The following C14orf132 variants were observed in gnomAD, a reference collection of about 807,000 sequenced individuals.
C14orf132 encodes the protein chromosome 14 open reading frame 132, also known as uncharacterized protein C14orf132.
Under a neutral mutation model 5.8 loss-of-function variants are expected in C14orf132, and 6 were observed. The ratio of observed to expected loss-of-function variants is 1.03; its 90% CI spans 0.57 to 2.04. The LOEUF is 2.04. C14orf132 is among the 30% of genes most tolerant of loss of function. The probability of loss-of-function intolerance (pLI) is 0.00; values close to 1 mark genes in which losing one functional copy is unlikely to be tolerated. For synonymous variants in C14orf132, 51 were observed against 49.8 expected (o/e 1.02, Z -0.10); for missense variants, 125 against 115.8 (o/e 1.08, Z -0.37).
At chr14:96,062,877 A>G (rs1017813791) in intron 1 of C14orf132, among the ~76,000 whole-genome samples, 2 of 152,114 alleles carry the variant, frequency 1.3e-5, no homozygotes, top group African/African-American at 2.4e-5. Flanking sequence ...TCCAACAAAC[A>G]GGTTACTTAT....
rs539462317 is a variant in C14orf132 at position 96,052,937 on chromosome 14, A to T, written c.27+13410A>T. Among the ~76,000 whole-genome samples the T allele has an allele frequency of 2.0e-5, 3 of 152,050 alleles. No individual in the cohort carries two copies. In the South Asian group the frequency reaches 6.2e-4, roughly 32 times the overall value. On this transcript the variant is annotated intron_variant, in intron 1 of 1. Transcript: ENST00000555004. ...CTTTCAATGGGGCTTGTATTTGGAG[A>T]GGGCTGACCCCTTTAAACCTCTGGA...
At chr14:96,056,508 G>A (rs1322635842) in intron 1 of C14orf132, among the ~76,000 whole-genome samples, 4 of 152,108 alleles carry the variant, frequency 2.6e-5, no homozygotes, top group Admixed American at 6.5e-5. Flanking sequence ...TTTGAATCCC[G>A]AGTTTGAAAC....
At chr14:96,068,194 G>A (rs1163464542) in intron 1 of C14orf132, among the ~76,000 whole-genome samples, 1 of 152,194 alleles carries the variant, frequency 6.6e-6, no homozygotes, top group African/African-American at 2.4e-5. Context: ...GAAAGGCTCG[G>A]TAGCTCCCTG....
intron 1 of C14orf132, among the ~76,000 whole-genome samples, chr14:96,069,256 C>CATATATATATAT (rs55648129): frequency 6.3e-5 from 6 of 95,258 alleles, no homozygotes; most frequent in Admixed American, 2.2e-4. Flanking sequence ...TGTTTATGTT[C>CATATATATATAT]ATATATATAT....
intron 1 of C14orf132, among the ~76,000 whole-genome samples, chr14:96,070,596 T>TCTCACACACACACACACACA (rs755530241): frequency 7.0e-6 from 1 of 142,558 alleles, no homozygotes; most frequent in African/African-American, 2.6e-5. Flanking sequence ...TCTCTCTCTC[T>TCTCACACACACACACACACA]CACACACACA....
At chr14:96,054,316 G>A (rs1057195946) in intron 1 of C14orf132, among the ~76,000 whole-genome samples, 1 of 152,154 alleles carries the variant, frequency 6.6e-6, no homozygotes, top group Non-Finnish European at 1.5e-5. Flanking sequence ...TCACGTCATG[G>A]TCCCCAGCCA....
At chr14:96,040,752 T>TC (rs1051762559) in intron 1 of C14orf132, among the ~76,000 whole-genome samples, 2 of 152,106 alleles carry the variant, frequency 1.3e-5, no homozygotes, top group African/African-American at 4.8e-5. Context: ...CTGGCCCTTT[T>TC]TTTTTTGCCT....
intron 1 of C14orf132, among the ~76,000 whole-genome samples, chr14:96,069,303 A>ATG (rs1887637464): frequency 8.9e-6 from 1 of 111,924 alleles, no homozygotes; most frequent in African/African-American, 3.6e-5. Flanking sequence ...ATATATATAT[A>ATG]TATGTTATTG....
intron 1 of C14orf132, among the ~76,000 whole-genome samples, chr14:96,061,094 C>G (rs887848562): frequency 6.6e-6 from 1 of 151,800 alleles, no homozygotes; most frequent in African/African-American, 2.4e-5. Flanking sequence ...ATTAAATTAC[C>G]ATTTCCCTGG....
chr14:96,085,676 A>T (rs1039394775), intron 1 of C14orf132, among the ~76,000 whole-genome samples: 1 of 152,216 alleles, frequency 6.6e-6, no homozygotes. Context: ...GTTCATACTC[A>T]TTGACTCAGA....
At chr14:96,070,856 C>T (rs113683373) in intron 1 of C14orf132, among the ~76,000 whole-genome samples, 4,563 of 152,206 alleles carry the variant, frequency 0.03, 226 homozygotes, top group African/African-American at 0.1. Flanking sequence ...CTTAGTTTCT[C>T]CATCCCTAGG....
chr14:96,079,382 G>A (rs897310106), intron 1 of C14orf132, among the ~76,000 whole-genome samples: 1 of 152,178 alleles, frequency 6.6e-6, no homozygotes, highest in Non-Finnish European at 1.5e-5. Flanking sequence ...ATCCCAACCT[G>A]TGTTGCCTCT....
rs1193834088 is a variant in C14orf132 at position 96,043,419 on chromosome 14, G to GT, written c.27+3893dup. On this transcript the variant is annotated intron_variant, in intron 1 of 1. Coordinates refer to ENST00000555004, the MANE Select transcript of C14orf132 (RefSeq NM_001252507.3). ...GGGCTCCTTCACTTGTTCTTATGGC[G>GT]TAACTCTCCTGTTAAAGCATGCCTC... 3.3e-5 allele frequency among the ~76,000 whole-genome samples: 5 copies of GT among 152,284 alleles called. No individual in the cohort carries two copies. The South Asian group carries it at 8.3e-4, about 25-fold the overall frequency.
chr14:96,078,177 C>G (rs1887931805), intron 1 of C14orf132, among the ~76,000 whole-genome samples: 1 of 152,254 alleles, frequency 6.6e-6, no homozygotes, highest in Non-Finnish European at 1.5e-5. Flanking sequence ...CTCTTCAGAC[C>G]ATGGGGCCCT....
chr14:96,078,829 C>G (rs568495205), intron 1 of C14orf132, among the ~76,000 whole-genome samples: 1 of 152,354 alleles, frequency 6.6e-6, no homozygotes, highest in South Asian at 2.1e-4. Flanking sequence ...CATTAAGAGC[C>G]CAGCCTCCCA....
At chr14:96,071,461 A>G (rs1887704419) in intron 1 of C14orf132, among the ~76,000 whole-genome samples, 1 of 152,160 alleles carries the variant, frequency 6.6e-6, no homozygotes, top group East Asian at 1.9e-4. Flanking sequence ...TCTTTCTCCT[A>G]TAGTGAAATG....
In C14orf132 at chr14:96,060,467, C is replaced by T. The variant is rs369040795; in HGVS notation, c.27+20940C>T. On this transcript the variant is annotated intron_variant, in intron 1 of 1. Transcript: ENST00000555004. Reference sequence around the variant, plus strand: ...TTTATGATGTGTAGAGTTCCAGTGCCGTGCATGTTCATTGCTTGAGTGGCT... The same window carrying T: ...TTTATGATGTGTAGAGTTCCAGTGCTGTGCATGTTCATTGCTTGAGTGGCT... Among the ~76,000 whole-genome samples the T allele has an allele frequency of 1.3e-4, 20 of 152,266 alleles. No homozygotes were observed. In the South Asian group the frequency reaches 3.1e-3, roughly 24 times the overall value.
intron 1 of C14orf132, among the ~76,000 whole-genome samples, chr14:96,054,320 C>T (rs1448723675): frequency 6.6e-6 from 1 of 152,182 alleles, no homozygotes; most frequent in Non-Finnish European, 1.5e-5. Context: ...GTCATGGTCC[C>T]CAGCCACGGC....
intron 1 of C14orf132, chr14:96,040,295 T>C (rs1886656409): frequency 2.5e-6 from 1 of 398,486 alleles, no homozygotes. Context: ...AATCCCGGAT[T>C]TCTCCATCAG....
Sources: gnomAD v4.1 joint callset for allele counts (sites outside exome capture counted in the v4.1 genomes callset) on GRCh38, gnomAD v4.1.1 for gene constraint, MANE v1.5 for transcripts, NCBI Gene and HGNC (gene_info 2026-07-23, HGNC 2026-07-21) for gene names.